The following EPSTI1 variants were observed in gnomAD, a reference collection of about 807,000 sequenced individuals.
EPSTI1 encodes the protein epithelial stromal interaction 1, also known as epithelial-stromal interaction protein 1.
A neutral mutation model predicts 49.9 loss-of-function variants in EPSTI1; 66 were observed. The ratio of observed to expected loss-of-function variants is 1.32; its 90% confidence interval spans 1.08 to 1.62. The LOEUF is 1.62. EPSTI1 is among the 40% of genes most tolerant of loss of function. The pLI, the probability that EPSTI1 is intolerant of heterozygous loss-of-function variation, is 0.00. For synonymous variants in EPSTI1, 137 were observed against 130.7 expected (o/e 1.05, Z -0.33); for missense variants, 394 against 365.5 (o/e 1.08, Z -0.64).
intron 6 of EPSTI1, among the ~76,000 whole-genome samples, chr13:42,932,214 C>T (rs77642919): frequency 0.018 from 2,794 of 151,608 alleles, 68 homozygotes; most frequent in South Asian, 0.099. Flanking sequence ...ATTACAGGCA[C>T]GAGCCACTGT....
chr13:42,936,449 C>T (rs2038567152), intron 6 of EPSTI1, among the ~76,000 whole-genome samples: 1 of 152,180 alleles, frequency 6.6e-6, no homozygotes, highest in African/African-American at 2.4e-5. Context: ...GTCACTGGTC[C>T]TTCTCTCATT....
chr13:42,911,978 T>G (rs1384120243), intron 8 of EPSTI1, among the ~76,000 whole-genome samples: 1 of 152,190 alleles, frequency 6.6e-6, no homozygotes, highest in Non-Finnish European at 1.5e-5. Context: ...TAATTTTGTA[T>G]GTGTTCTATA....
intron 8 of EPSTI1, among the ~76,000 whole-genome samples, chr13:42,911,271 G>GCA (rs765452470): frequency 3.6e-5 from 5 of 138,148 alleles, no homozygotes; most frequent in African/African-American, 1.4e-4. Context: ...GTGTGCGCGC[G>GCA]CACGCGCGCA....
intron 9 of EPSTI1, among the ~76,000 whole-genome samples, chr13:42,899,919 A>G (rs550616778): frequency 6.6e-6 from 1 of 152,324 alleles, no homozygotes; most frequent in East Asian, 1.9e-4. Flanking sequence ...GCACTCAAGT[A>G]TGGGTATCTG....
At chr13:42,897,162 A>G (rs895949283) in intron 9 of EPSTI1, among the ~76,000 whole-genome samples, 1 of 151,100 alleles carries the variant, frequency 6.6e-6, no homozygotes. Context: ...TTTGTACTTT[A>G]GAGCCTCTGC....
rs1329674206 is a variant in EPSTI1 at position 42,922,616 on chromosome 13, T to C, written c.657+3720A>G. On this transcript the variant is annotated intron_variant, in intron 7 of 10. Coordinates refer to ENST00000313624, the MANE Select transcript of EPSTI1 (RefSeq NM_033255.5). The surrounding 1 kb of genome is among the most constrained non-coding windows in gnomAD (Gnocchi z 4.8). ...GAGAATAAATTTTTGTTCTATTAGG[T>C]CACTACATTCGTGGTAATTTGTTAC... 1.3e-5 allele frequency among the ~76,000 whole-genome samples: 2 copies of C among 152,196 alleles called. No individual in the cohort carries two copies. The highest frequency in any genetic ancestry group is 4.8e-5 in the African/African-American group (2 of 41,444).
chr13:42,911,257 G>GTT (rs2037667362), intron 8 of EPSTI1, among the ~76,000 whole-genome samples: 1 of 124,346 alleles, frequency 8.0e-6, no homozygotes, highest in Non-Finnish European at 1.7e-5. Context: ...GTGTGTGTGT[G>GTT]TGTGTGTGCG....
At chr13:42,898,380 T>A (rs558037427) in intron 9 of EPSTI1, among the ~76,000 whole-genome samples, 62 of 152,308 alleles carry the variant, frequency 4.1e-4, no homozygotes, top group African/African-American at 1.4e-3. Context: ...CATGATAACA[T>A]GGGAAAGCTC....
At chr13:42,981,361 C>T (rs2039983407) in intron 1 of EPSTI1, among the ~76,000 whole-genome samples, 1 of 152,166 alleles carries the variant, frequency 6.6e-6, no homozygotes, top group Non-Finnish European at 1.5e-5. Context: ...AACTAAGTTT[C>T]TTTCTCATTT....
At chr13:42,975,817 A>AC (rs977413532) in intron 1 of EPSTI1, among the ~76,000 whole-genome samples, 19 of 72,438 alleles carry the variant, frequency 2.6e-4, no homozygotes, top group African/African-American at 3.5e-4. Flanking sequence ...AAAGCCACAC[A>AC]AAAAAAAGTT....
Position 42,889,302 on chromosome 13 carries a change from A to G in EPSTI1, c.916-800T>C, listed in dbSNP as rs1769505823. The G allele has an allele frequency of 6.7e-6, 7 of 1,038,344 alleles. No homozygotes were observed. The South Asian group carries it at 9.8e-5, about 15-fold the overall frequency. 64.3% of individuals were successfully genotyped at this position (1,038,344 alleles called of 1,614,324 possible). A position where few individuals can be genotyped will look rare whatever the true frequency, so the allele number is the denominator to read the frequency against. On this transcript the variant is annotated intron_variant, in intron 10 of 10. Transcript: ENST00000313624. ...AAAGCAATTATTGAAGAATAAATGT[A>G]TATGTTAAGAAATATGAGAAGACTG...
At chr13:42,913,753 A>T (rs1208017450) in intron 8 of EPSTI1, among the ~76,000 whole-genome samples, 1 of 152,178 alleles carries the variant, frequency 6.6e-6, no homozygotes, top group Non-Finnish European at 1.5e-5. Flanking sequence ...CACAACGCCT[A>T]ATTTATTTCC....
chr13:42,951,815 C>T (rs913854739), intron 6 of EPSTI1, among the ~76,000 whole-genome samples: 2 of 152,216 alleles, frequency 1.3e-5, no homozygotes, highest in African/African-American at 4.8e-5. Context: ...CAATGTAAAA[C>T]TAGTATGCCA....
chr13:42,901,363 C>T (rs1010131514), intron 8 of EPSTI1, among the ~76,000 whole-genome samples: 6 of 152,140 alleles, frequency 3.9e-5, no homozygotes, highest in African/African-American at 1.4e-4. Context: ...ATTCCACAGT[C>T]CCCCAAAATA....
chr13:42,931,007 G>A (rs1594669851), intron 6 of EPSTI1, among the ~76,000 whole-genome samples: 1 of 152,302 alleles, frequency 6.6e-6, no homozygotes, highest in East Asian at 1.9e-4. Context: ...ATGTGACATA[G>A]GAGCATACAT....
intron 7 of EPSTI1, among the ~76,000 whole-genome samples, chr13:42,918,181 T>G (rs527587834): frequency 2.0e-5 from 3 of 152,196 alleles, no homozygotes; most frequent in Non-Finnish European, 2.9e-5. Context: ...AAACAAAGCC[T>G]ATTCAGGAAC....
chr13:42,990,616 T>C (rs546982147), intron 1 of EPSTI1, among the ~76,000 whole-genome samples: 2 of 152,364 alleles, frequency 1.3e-5, no homozygotes, highest in South Asian at 4.1e-4. Context: ...GGCGAGACAC[T>C]AATTATTCTG....
chr13:42,957,007 A>T (rs927597851), intron 5 of EPSTI1, among the ~76,000 whole-genome samples: 21 of 152,238 alleles, frequency 1.4e-4, no homozygotes, highest in Admixed American at 1.2e-3. Flanking sequence ...CAAGGGCCAC[A>T]AATACACGAG....
In EPSTI1 at chr13:42,909,842, G is replaced by C. The variant is rs539753715; in HGVS notation, c.741+7699C>G. Among the ~76,000 whole-genome samples, 32 of 152,232 alleles carry C rather than the reference G, an allele frequency of 2.1e-4. No homozygotes were observed. In the East Asian group the frequency reaches 5.8e-3, roughly 28 times the overall value. On this transcript the variant is annotated intron_variant, in intron 8 of 10. Coordinates refer to ENST00000313624, the MANE Select transcript of EPSTI1 (RefSeq NM_033255.5). Reference sequence around the variant, plus strand: ...GGATATGTAATTACAGTTAGATATAGGGAATAAATTCAAGAGATCTATTGT... The same window carrying C: ...GGATATGTAATTACAGTTAGATATACGGAATAAATTCAAGAGATCTATTGT...
Sources: allele counts gnomAD v4.1 joint callset (sites outside exome capture counted in the v4.1 genomes callset), GRCh38; gene constraint gnomAD v4.1.1; non-coding constraint Gnocchi (gnomAD v3.1); transcripts MANE v1.5; gene names NCBI Gene and HGNC (gene_info 2026-07-23, HGNC 2026-07-21).